GRM8: variants seen among roughly 807,000 people sequenced by gnomAD.
The protein encoded by GRM8 is glutamate metabotropic receptor 8.
Under a neutral mutation model 87.2 loss-of-function variants are expected in GRM8, and 47 were observed. The observed-to-expected ratio is 0.54, with a 90% CI of 0.43 to 0.69. The LOEUF (loss-of-function observed/expected upper bound fraction) is 0.69, where lower values mean the gene tolerates loss of function less well. Among genes scored for constraint, GRM8 ranks in the 30% least tolerant of loss-of-function variants. The pLI, the probability that GRM8 is intolerant of heterozygous loss-of-function variation, is 0.00. For missense variants in GRM8, 1,019 were observed against 1,139.2 expected, an observed-to-expected ratio of 0.89 and a Z score of 1.52; for synonymous variants, 396 against 404.5, an observed-to-expected ratio of 0.98 and a Z score of 0.25.
At position 127,144,815 on chromosome 7, in the gene GRM8, T is replaced by G. The variant is rs138643722; in HGVS notation, c.511-38103A>C. Among the ~76,000 whole-genome samples, 529 of 152,238 alleles carry G rather than the reference T, an allele frequency of 3.5e-3. 4 individuals are homozygous for G. Among genetic ancestry groups the G allele is most frequent in the African/African-American group, 0.012 (506 of 41,566 alleles). ...TTTTACAGCTGATTAATTTCTGTCC[T>G]TCTTTCTCATATGCAAATACAAGAC... On this transcript the variant is annotated intron_variant, in intron 2 of 10. Transcript: ENST00000339582.
chr7:127,242,640 T>A, intron 2 of GRM8, 55 bp downstream of exon 2: 1 of 1,499,048 alleles, frequency 6.7e-7, no homozygotes, highest in Admixed American at 1.8e-5. Flanking sequence ...GCAGTAGGAG[T>A]CATAGCATTT....
Position 127,186,730 on chromosome 7 carries a change from G to A in GRM8, c.510+55965C>T, listed in dbSNP as rs551716768. Among the ~76,000 whole-genome samples the A allele has an allele frequency of 2.6e-5, 4 of 152,294 alleles. No individual in the cohort carries two copies. In the South Asian group the frequency reaches 8.3e-4, roughly 32 times the overall value. ...GAAATGTATTAATTTGCTGATGAGAGCTTTTCAGTTGTAATGCAAGAGATC... is the reference window on the plus strand; with the variant it reads ...GAAATGTATTAATTTGCTGATGAGAACTTTTCAGTTGTAATGCAAGAGATC... On this transcript the variant is annotated intron_variant, in intron 2 of 10. Transcript: ENST00000339582.
intron 7 of GRM8, among the ~76,000 whole-genome samples, chr7:126,733,581 A>T (rs996308081): frequency 4.7e-4 from 71 of 151,824 alleles, no homozygotes; most frequent in African/African-American, 1.6e-3. Context: ...TATTAAAAAC[A>T]ATATACAGTA....
At chr7:126,547,201 CCCTTACATATA>C (rs1410424368) in intron 8 of GRM8, among the ~76,000 whole-genome samples, 4 of 152,248 alleles carry the variant, frequency 2.6e-5, no homozygotes, top group African/African-American at 9.6e-5. Flanking sequence ...TTATAGTGCA[CCCTTACATATA>C]AATGGAAGTC....
At chr7:126,694,693 C>T (rs546220536) in intron 7 of GRM8, among the ~76,000 whole-genome samples, 1 of 152,318 alleles carries the variant, frequency 6.6e-6, no homozygotes, top group South Asian at 2.1e-4. Flanking sequence ...ATCTACATTT[C>T]TCCTCTGGGT....
At chr7:126,659,877 A>G (rs779036510) in intron 7 of GRM8, among the ~76,000 whole-genome samples, 31 of 152,222 alleles carry the variant, frequency 2.0e-4, no homozygotes, top group Middle Eastern at 3.4e-3. Flanking sequence ...CTTCTTTTGT[A>G]TATTGGTTTC....
At chr7:127,210,328 A>G (rs1293860121) in intron 2 of GRM8, among the ~76,000 whole-genome samples, 1 of 152,170 alleles carries the variant, frequency 6.6e-6, no homozygotes, top group Non-Finnish European at 1.5e-5. Flanking sequence ...TGTTTTTTTA[A>G]ATTAACATTT....
In GRM8 at chr7:126,770,083, A is replaced by C. The variant is rs761692467; in HGVS notation, c.1157-18T>G. On this transcript the variant is annotated intron_variant, in intron 6 of 10. Transcript: ENST00000339582. Reference sequence around the variant, plus strand: ...CTCCAGCCCTGCAAAATAAAAAAGTAAAAACCATCAGTTGATGTTAGATTC... The same window carrying C: ...CTCCAGCCCTGCAAAATAAAAAAGTCAAAACCATCAGTTGATGTTAGATTC... 3.2e-6 allele frequency: 5 copies of C among 1,562,694 alleles called. No individual in the cohort carries two copies. The East Asian group carries it at 1.1e-4, about 36-fold the overall frequency.
chr7:127,038,602 C>T (rs1018175547), intron 3 of GRM8, among the ~76,000 whole-genome samples: 1 of 151,934 alleles, frequency 6.6e-6, no homozygotes. Flanking sequence ...ATTTATTTAC[C>T]TACAAGTATA....
chr7:126,949,950 C>T (rs987837059), intron 3 of GRM8, among the ~76,000 whole-genome samples: 4 of 152,102 alleles, frequency 2.6e-5, no homozygotes, highest in Admixed American at 1.3e-4. Flanking sequence ...AGGCTTCTGT[C>T]GAGTATTTTA....
intron 2 of GRM8, among the ~76,000 whole-genome samples, chr7:127,179,591 T>G (rs529509698): frequency 6.6e-6 from 1 of 152,246 alleles, no homozygotes; most frequent in South Asian, 2.1e-4. Flanking sequence ...ATAGACCATA[T>G]GACAGGCCAT....
Position 126,484,914 on chromosome 7 carries a change from C to G in GRM8, c.2431-38542G>C, listed in dbSNP as rs1353471480. Among the ~76,000 whole-genome samples, 4 of 149,874 alleles carry G rather than the reference C, an allele frequency of 2.7e-5. No individual in the cohort carries two copies. The East Asian group carries it at 7.8e-4, about 29-fold the overall frequency. ...TTTTTGAAAACTTTTTATTGTCACT[C>G]GATCTGCATGTAAACAAGGAGGAAA... On this transcript the variant is annotated intron_variant, in intron 9 of 10. Coordinates refer to ENST00000339582, the MANE Select transcript of GRM8 (RefSeq NM_000845.3).
In GRM8 at chr7:126,968,406, A is replaced by G. The variant is rs529850689; in HGVS notation, c.728-63723T>C. 3.3e-5 allele frequency among the ~76,000 whole-genome samples: 5 copies of G among 152,284 alleles called. No homozygotes were observed. The South Asian group carries it at 8.3e-4, about 25-fold the overall frequency. ...AATGGTAAATTGCTTAGATTAGTTGACTGCTGCTGTAAGGCCAAGCAACAG... is the reference window on the plus strand; with the variant it reads ...AATGGTAAATTGCTTAGATTAGTTGGCTGCTGCTGTAAGGCCAAGCAACAG... On this transcript the variant is annotated intron_variant, in intron 3 of 10. Coordinates refer to ENST00000339582, the MANE Select transcript of GRM8 (RefSeq NM_000845.3).
chr7:126,780,870 T>C (rs1254090618), intron 6 of GRM8, among the ~76,000 whole-genome samples: 9 of 151,896 alleles, frequency 5.9e-5, no homozygotes, highest in Non-Finnish European at 1.2e-4. Context: ...AGAGAACAGA[T>C]AGGAAGGAGG....
At chr7:126,611,321 T>C (rs1390219416) in intron 7 of GRM8, among the ~76,000 whole-genome samples, 2 of 152,222 alleles carry the variant, frequency 1.3e-5, no homozygotes, top group Non-Finnish European at 2.9e-5. Context: ...ATAATGATAC[T>C]TTTCTCATAG....
intron 3 of GRM8, among the ~76,000 whole-genome samples, chr7:126,943,467 T>C (rs10232276): frequency 0.23 from 35,184 of 152,106 alleles, 4,315 homozygotes; most frequent in African/African-American, 0.31. Context: ...GGTCCTCCAA[T>C]CTCAGACCCC....
At chr7:126,792,104 G>A (rs1821408903) in intron 6 of GRM8, among the ~76,000 whole-genome samples, 1 of 152,120 alleles carries the variant, frequency 6.6e-6, no homozygotes, top group Non-Finnish European at 1.5e-5. Flanking sequence ...GGAGAGCAAG[G>A]CCCATGGTCC....
chr7:126,964,674 G>C (rs930829749), intron 3 of GRM8, among the ~76,000 whole-genome samples: 1 of 152,222 alleles, frequency 6.6e-6, no homozygotes, highest in East Asian at 1.9e-4. Context: ...TGCTGGAAAA[G>C]ATGTGGAGAA....
At chr7:126,527,752 T>C (rs902170667) in intron 9 of GRM8, among the ~76,000 whole-genome samples, 2 of 152,220 alleles carry the variant, frequency 1.3e-5, no homozygotes, top group African/African-American at 2.4e-5. Flanking sequence ...ATATTTTTTT[T>C]CTTCCAGTAT....
Sources: allele counts gnomAD v4.1 joint callset (sites outside exome capture counted in the v4.1 genomes callset), GRCh38; gene constraint gnomAD v4.1.1; transcripts MANE v1.5; gene names NCBI Gene and HGNC (gene_info 2026-07-23, HGNC 2026-07-21).